NEBL: variants seen among roughly 807,000 people sequenced by gnomAD.
NEBL encodes LIM and SH3 protein 2.
NEBL carries 122 observed loss-of-function variants against 140.2 expected under a neutral mutation model. The observed-to-expected ratio is 0.87, with a 90% CI of 0.75 to 1.01. The LOEUF is 1.01. Among genes scored for constraint, NEBL ranks in the 50% least tolerant of loss-of-function variants. NEBL has a pLI of 0.00. For missense variants in NEBL, 1,365 were observed against 1,231.3 expected, an observed-to-expected ratio of 1.11 and a Z score of -1.62; for synonymous variants, 436 against 398.9, an observed-to-expected ratio of 1.09 and a Z score of -1.11.
intron 2 of NEBL, among the ~76,000 whole-genome samples, chr10:21,078,615 T>C (rs1836215480): frequency 6.6e-6 from 1 of 152,194 alleles, no homozygotes; most frequent in Non-Finnish European, 1.5e-5. Context: ...AGGTATCTAC[T>C]CCTATGACCT....
At chr10:20,902,125 C>T (rs1042161126), upstream of NEBL, among the ~76,000 whole-genome samples, 6 of 151,998 alleles carry the variant, frequency 3.9e-5, no homozygotes, top group South Asian at 8.3e-4. Flanking sequence ...ATAAGGTGGC[C>T]GGGCGCGGTG....
chr10:20,808,514 T>C lies in NEBL; in HGVS notation c.2757A>G (p.Glu919=), dbSNP rs878854903. 5 of 1,613,798 alleles carry C rather than the reference T, an allele frequency of 3.1e-6. No individual in the cohort carries two copies. Among genetic ancestry groups the C allele is most frequent in the Non-Finnish European group, 4.2e-6 (5 of 1,179,860 alleles). Residue 919 remains glutamate (E), a synonymous_variant, in exon 26 of 28, where the codon GAA becomes GAG. Coordinates refer to ENST00000377122, the MANE Select transcript of NEBL (RefSeq NM_006393.3). ...CCSEVTRPSD[E]GAPVLPGAYQ... ...TAAGCAGTGAATGTTTGATACCTCCTTCATCAGACGGTCTTGTTACCTCAC... is the reference window on the plus strand; with the variant it reads ...TAAGCAGTGAATGTTTGATACCTCCCTCATCAGACGGTCTTGTTACCTCAC...
At chr10:20,894,768 A>C (rs1262790171) in intron 2 of NEBL, among the ~76,000 whole-genome samples, 5 of 149,104 alleles carry the variant, frequency 3.4e-5, no homozygotes, top group Non-Finnish European at 7.4e-5. Flanking sequence ...AAAAAAAAAA[A>C]ATACAAAAAA....
Position 21,042,194 on chromosome 10 carries a change from A to C in NEBL, c.165-21993T>G, listed in dbSNP as rs117285068. On this transcript the variant is annotated intron_variant, in intron 2 of 6. Transcript: ENST00000417816. ...TACTCCTCCAAGGACTCTGTATTTAACGTCTCATTTAATCCTCCCAACAAC... is the reference window on the plus strand; with the variant it reads ...TACTCCTCCAAGGACTCTGTATTTACCGTCTCATTTAATCCTCCCAACAAC... Among the ~76,000 whole-genome samples, 1,108 of 152,248 alleles carry C rather than the reference A, an allele frequency of 7.3e-3. 40 individuals are homozygous for C. The East Asian group carries it at 0.087, about 12-fold the overall frequency.
intron 2 of NEBL, among the ~76,000 whole-genome samples, chr10:21,100,643 T>G (rs1282766123): frequency 6.6e-6 from 1 of 152,206 alleles, no homozygotes. Flanking sequence ...ATTTCTAATT[T>G]TCTCCAAAAG....
chr10:21,067,901 C>T (rs113325859), intron 2 of NEBL, among the ~76,000 whole-genome samples: 5,463 of 152,136 alleles, frequency 0.036, 180 homozygotes, highest in African/African-American at 0.087. Flanking sequence ...ATCACTTGAG[C>T]GCAGGAGGTC....
At chr10:20,880,218 C>T (rs1349339857) in intron 5 of NEBL, among the ~76,000 whole-genome samples, 4 of 152,026 alleles carry the variant, frequency 2.6e-5, no homozygotes, top group South Asian at 2.1e-4. Flanking sequence ...AAAATTAGGC[C>T]GGTGTGGTGG....
intron 2 of NEBL, among the ~76,000 whole-genome samples, chr10:21,139,987 C>CAAAA (rs11289396): frequency 8.1e-4 from 81 of 99,578 alleles, no homozygotes; most frequent in African/African-American, 2.5e-3. Flanking sequence ...CCTGTCTCAA[C>CAAAA]AAAAAAAAAA....
At chr10:20,881,393 T>C (rs1790608154) in intron 4 of NEBL, among the ~76,000 whole-genome samples, 1 of 152,158 alleles carries the variant, frequency 6.6e-6, no homozygotes, top group Non-Finnish European at 1.5e-5. Context: ...CAGGCAAAAT[T>C]CTCAGATATG....
At chr10:20,932,356 G>C (rs976867577) in intron 4 of NEBL, among the ~76,000 whole-genome samples, 1 of 152,116 alleles carries the variant, frequency 6.6e-6, no homozygotes, top group Non-Finnish European at 1.5e-5. Context: ...ACTCACAAGT[G>C]GGAGTTAAAC....
At chr10:21,274,939 A>G (rs1842901368) in intron 1 of NEBL, among the ~76,000 whole-genome samples, 1 of 152,134 alleles carries the variant, frequency 6.6e-6, no homozygotes, top group African/African-American at 2.4e-5. Flanking sequence ...GAGTAGGCTG[A>G]GGAGAAGGAA....
At chr10:21,165,923 A>C (rs1840741687) in intron 2 of NEBL, among the ~76,000 whole-genome samples, 1 of 152,124 alleles carries the variant, frequency 6.6e-6, no homozygotes, top group African/African-American at 2.4e-5. Flanking sequence ...TATGGAACTA[A>C]ACTAGTGTTT....
intron 4 of NEBL, among the ~76,000 whole-genome samples, chr10:20,936,923 G>C (rs1374067258): frequency 6.6e-6 from 1 of 152,100 alleles, no homozygotes; most frequent in Admixed American, 6.5e-5. Context: ...AGCATAAGAA[G>C]GAAATGGGAC....
chr10:21,261,718 A>G (rs989152886), intron 1 of NEBL, among the ~76,000 whole-genome samples: 5 of 152,184 alleles, frequency 3.3e-5, no homozygotes, highest in African/African-American at 1.2e-4. Context: ...AAGCAAAAGC[A>G]AAATGATCTT....
At chr10:21,224,828 G>GCTA (rs1327273638) in intron 3 of NEBL, among the ~76,000 whole-genome samples, 3 of 152,240 alleles carry the variant, frequency 2.0e-5, no homozygotes, top group East Asian at 3.9e-4. Context: ...ATACAGAAAT[G>GCTA]CTACTGATTT....
In NEBL at chr10:21,166,258, AAAT is replaced by A. The variant is rs1564533557; in HGVS notation, c.164+6122_164+6124del. On this transcript the variant is annotated intron_variant, in intron 2 of 6. Coordinates refer to the NEBL transcript ENST00000417816. The stretch of plus-strand genomic sequence containing the variant: ...AAAAAAAAAAAAAGAAAAGAAAAAA[AAAT>A]TTTCTACATCATGATCCAGTACACA... Among the ~76,000 whole-genome samples, 97 of 101,496 alleles carry A rather than the reference AAAT, an allele frequency of 9.6e-4. 6 individuals are homozygous for A. Among genetic ancestry groups the A allele is most frequent in the African/African-American group, 1.5e-3 (28 of 18,884 alleles). The allele number at this position is 101,496 out of a possible 152,430, so 66.6% of individuals were successfully genotyped here. A position where few individuals can be genotyped will look rare whatever the true frequency, so the allele number is the denominator to read the frequency against.
intron 3 of NEBL, among the ~76,000 whole-genome samples, chr10:21,203,265 T>C (rs894061857): frequency 6.6e-6 from 1 of 152,206 alleles, no homozygotes; most frequent in East Asian, 1.9e-4. Context: ...AGACGTTCTC[T>C]GTACAGTCAT....
At chr10:20,825,034 C>G (rs74120685) in intron 18 of NEBL, among the ~76,000 whole-genome samples, 6,791 of 152,226 alleles carry the variant, frequency 0.045, 460 homozygotes, top group African/African-American at 0.15. Context: ...CACCTTAAGC[C>G]TAGGTCCTCC....
intron 2 of NEBL, chr10:21,126,084 C>A: frequency 1.9e-6 from 3 of 1,613,954 alleles, no homozygotes; most frequent in South Asian, 1.1e-5. Context: ...TCCTGGGAGG[C>A]CTCAGGCCCT....
Sources: allele counts gnomAD v4.1 joint callset (sites outside exome capture counted in the v4.1 genomes callset), GRCh38; gene constraint gnomAD v4.1.1; transcripts MANE v1.5; gene names NCBI Gene and HGNC (gene_info 2026-07-23, HGNC 2026-07-21).